Variants in NACAD observed in about 807,000 individuals in gnomAD.
The protein encoded by NACAD is NAC alpha domain containing, also known as NAC-alpha domain-containing protein 1.
NACAD carries 47 observed loss-of-function variants against 98.9 expected under a neutral mutation model. That is an observed-to-expected ratio of 0.48 (90% CI 0.38 to 0.61). The LOEUF (loss-of-function observed/expected upper bound fraction) is 0.61. Ranked by LOEUF, NACAD falls within the 20% of genes least tolerant of loss-of-function variation. The probability of loss-of-function intolerance (pLI) is 0.00; values close to 1 mark genes in which losing one functional copy is unlikely to be tolerated. For synonymous variants in NACAD, 696 were observed against 767.2 expected (o/e 0.91, Z 1.53); for missense variants, 1,412 against 1,748.2 (o/e 0.81, Z 3.43).
In NACAD at chr7:45,082,218, T is replaced by G. The variant is rs148081901; in HGVS notation, c.3962A>C (p.Gln1321Pro). ...ASMDAKDLALQILPPCQVPPP... is the reference protein window; with the variant it reads ...ASMDAKDLALPILPPCQVPPP... ...AGGCACTTGGCAAGGCGGCAAGATCTGCAAGGCCAGGTCTTTGGCATCCAT... is the reference window on the plus strand; with the variant it reads ...AGGCACTTGGCAAGGCGGCAAGATCGGCAAGGCCAGGTCTTTGGCATCCAT... The change falls in exon 2 of 8, where the codon CAG becomes CCG. Residue 1321 changes from glutamine to proline, a missense_variant. By Grantham distance (76) the Gln-to-Pro change is moderately conservative. Coordinates refer to ENST00000490531, the MANE Select transcript of NACAD (RefSeq NM_001146334.2). The surrounding 1 kb of genome is among the most constrained non-coding windows in gnomAD (Gnocchi z 4.5). 49 of 1,542,058 alleles carry G rather than the reference T, an allele frequency of 3.2e-5. No homozygotes were observed. Among genetic ancestry groups the G allele is most frequent in the Non-Finnish European group, 4.0e-5 (46 of 1,141,604 alleles).
Position 45,082,762 on chromosome 7 carries a change from G to A in NACAD, c.3418C>T (p.Pro1140Ser). The A allele has an allele frequency of 1.3e-6, 2 of 1,548,510 alleles. No individual in the cohort carries two copies. The highest frequency in any genetic ancestry group is 1.4e-5 in the African/African-American group (1 of 73,136). The change falls in exon 2 of 8, where the codon CCC (proline) becomes TCC (serine). Residue 1140 changes from proline to serine, a missense_variant. By Grantham distance (74) the Pro-to-Ser change is moderately conservative. Coordinates refer to ENST00000490531, the MANE Select transcript of NACAD (RefSeq NM_001146334.2). The surrounding 1 kb of genome is among the most constrained non-coding windows in gnomAD (Gnocchi z 4.5). ...SGKSTPEPTL[P>S]SAVATEASLD... The stretch of plus-strand genomic sequence containing the variant: ...CTGGCCTCTGTGGCCACAGCTGAGG[G>A]AAGCGTGGGCTCCGGGGTGGACTTG...
intron 2 of NACAD, 114 bp from the exon 3 acceptor site, chr7:45,081,981 C>G: frequency 1.4e-6 from 2 of 1,440,284 alleles, no homozygotes; most frequent in Non-Finnish European, 1.9e-6. Flanking sequence ...TGCCAGCTCT[C>G]CATGGTGGCT....
In NACAD at chr7:45,082,610, A is replaced by C. The variant is rs1404975895; in HGVS notation, c.3570T>G (p.Ser1190Arg). The part of the protein sequence containing the change: ...QQPEPVLGLG[S>R]VEQPHEVPSV... ...TGGGTACTTCGTGGGGTTGCTCAAC[A>C]CTGCCCAGACCCAGTACAGGCTCCG... The change falls in exon 2 of 8, where the codon AGT becomes AGG. Residue 1190 changes from serine (S) to arginine (R), a missense_variant. Physicochemically the swap from Ser to Arg is moderately radical, Grantham distance 110. Around this residue, in one of 5 missense-constraint regions of NACAD, gnomAD observed 572 missense variants for 639.6 expected, o/e 0.89. Coordinates refer to ENST00000490531, the MANE Select transcript of NACAD (RefSeq NM_001146334.2). The surrounding 1 kb of genome is among the most constrained non-coding windows in gnomAD (Gnocchi z 4.5). 18 of 1,533,414 alleles carry C rather than the reference A, an allele frequency of 1.2e-5. No individual in the cohort carries two copies. The highest frequency in any genetic ancestry group is 2.5e-5 in the South Asian group (2 of 81,274). 95.0% of individuals were successfully genotyped at this position (1,533,414 alleles called of 1,614,324 possible).
In NACAD at chr7:45,088,819, C is replaced by A. The variant is rs758828479; in HGVS notation, c.67+9G>T. The stretch of plus-strand genomic sequence containing the variant: ...GCTGAAGGCAGGGAAAGAGTGGCCA[C>A]GGCCTCACCTGTGCGGGGCCCGGGT... On this transcript the variant is annotated intron_variant, in intron 1 of 7. Transcript: ENST00000490531. The surrounding 1 kb of genome is among the most constrained non-coding windows in gnomAD (Gnocchi z 5.7). The A allele has an allele frequency of 3.4e-6, 5 of 1,486,586 alleles. No individual in the cohort carries two copies. The African/African-American group carries it at 4.3e-5, about 13-fold the overall frequency. The allele number at this position is 1,486,586 out of a possible 1,614,324, so 92.1% of individuals were successfully genotyped here. A position where few individuals can be genotyped will look rare whatever the true frequency, so the allele number is the denominator to read the frequency against.
chr7:45,085,110 G>A lies in NACAD; in HGVS notation c.1070C>T (p.Thr357Met), dbSNP rs1186586335. The change falls in exon 2 of 8, where the codon ACG (threonine) becomes ATG (methionine). Residue 357 changes from threonine to methionine, a missense_variant. By Grantham distance (81) the Thr-to-Met change is moderately conservative (BLOSUM62 -1). This residue lies in a region of NACAD where 638 missense variants were observed against 722.7 expected (regional missense o/e 0.88). Transcript: ENST00000490531. The surrounding 1 kb of genome is among the most constrained non-coding windows in gnomAD (Gnocchi z 6.1). ...DLAGEGEEDS[T>M]SASFLQSLSD... is the part of the protein sequence containing the mutation. ...CAGTGACTGCAGGAAGGAGGCAGAC[G>A]TGCTGTCCTCCTCACCCTCCCCAGC... 3.2e-6 allele frequency: 5 copies of A among 1,551,072 alleles called. No homozygotes were observed. In the South Asian group the frequency reaches 3.6e-5, roughly 11 times the overall value.
chr7:45,081,069 G>A, intron 5 of NACAD, 47 bp from the exon 6 acceptor site: 1 of 1,550,646 alleles, frequency 6.4e-7, no homozygotes, highest in African/African-American at 1.4e-5. Context: ...TCCCCCCCTT[G>A]TCCCCTATCC....
Position 45,088,852 on chromosome 7 carries a change from CCTCGGGCAGCAGCAG to C in NACAD, c.28_42del (p.Leu10_Glu14del). On this transcript the variant is annotated inframe_deletion, in exon 1 of 8. Coordinates refer to ENST00000490531, the MANE Select transcript of NACAD (RefSeq NM_001146334.2). This position sits in a 1 kb window ranked among gnomAD's most constrained non-coding sequence, Gnocchi z 5.7. ...CCTGTGCGGGGCCCGGGTCGGTCCG[CCTCGGGCAGCAGCAG>C]CTCGGCGCGGGCAGCCTCCCCAGGC... is the stretch of plus-strand genomic sequence containing the variant. 1 of 1,491,184 alleles carries C rather than the reference CCTCGGGCAGCAGCAG, an allele frequency of 6.7e-7. No individual in the cohort carries two copies. The highest frequency in any genetic ancestry group is 8.9e-7 in the Non-Finnish European group (1 of 1,125,620). The allele number at this position is 1,491,184 out of a possible 1,614,324, so 92.4% of individuals were successfully genotyped here.
At chr7:45,087,067 TAACACAC>T (rs1784532396) in intron 1 of NACAD, among the ~76,000 whole-genome samples, 1 of 152,160 alleles carries the variant, frequency 6.6e-6, no homozygotes, top group Non-Finnish European at 1.5e-5. Context: ...GTCTGTGAGC[TAACACAC>T]CTCCAGCTGA....
In NACAD at chr7:45,083,388, G is replaced by C. The variant is rs751829108; in HGVS notation, c.2792C>G (p.Thr931Arg). The change falls in exon 2 of 8, where the codon ACA (threonine) becomes AGA (arginine). Residue 931 changes from threonine to arginine, a missense_variant. Thr to Arg is a moderately conservative substitution (Grantham distance 71). This residue lies in a region of NACAD where 572 missense variants were observed against 639.6 expected (regional missense o/e 0.89). Coordinates refer to ENST00000490531, the MANE Select transcript of NACAD (RefSeq NM_001146334.2). The part of the protein sequence containing the change: ...AMTAPLPLQD[T>R]GPTSGPEPLA... ...AGGCTCTGGACCTGAGGTGGGGCCT[G>C]TGTCTTGCAGAGGCAGAGGTGCTGT... 1.8e-5 allele frequency: 28 copies of C among 1,551,218 alleles called. No individual in the cohort carries two copies. Among genetic ancestry groups the C allele is most frequent in the Non-Finnish European group, 2.3e-5 (26 of 1,147,032 alleles).
At chr7:45,081,404 A>ACCTT in intron 4 of NACAD, 141 bp from the exon 5 acceptor site, 1 of 1,314,008 alleles carries the variant, frequency 7.6e-7, no homozygotes, top group South Asian at 1.5e-5. Flanking sequence ...CTTCCCCATG[A>ACCTT]GCCTCAGTCT....
At position 45,085,363 on chromosome 7, in the gene NACAD, G is replaced by T. The variant is rs1265305512; in HGVS notation, c.817C>A (p.Pro273Thr). The change falls in exon 2 of 8, where the codon CCC becomes ACC. Residue 273 changes from proline (P) to threonine (T), a missense_variant. Transcript: ENST00000490531. The surrounding 1 kb of genome is among the most constrained non-coding windows in gnomAD (Gnocchi z 6.1). ...GAGAGGCTGGACTCAGAGGACGGGG[G>T]CTCTGGGGTCCCTGCTGGGTGCAGC... ...RELHPAGTPE[P>T]PSSESSLSAD... The T allele has an allele frequency of 6.5e-7, 1 of 1,549,902 alleles. No individual in the cohort carries two copies. Among genetic ancestry groups the T allele is most frequent in the African/African-American group, 1.4e-5 (1 of 73,048 alleles).
At chr7:45,081,716 G>A in intron 3 of NACAD, 39 bp downstream of exon 3, 2 of 1,551,042 alleles carry the variant, frequency 1.3e-6, no homozygotes, top group Non-Finnish European at 1.7e-6. Context: ...GGGGTGTGGG[G>A]CCCTCCCAGA....
rs1784465474 is a variant in NACAD, at chr7:45,083,449, C to T, written c.2731G>A (p.Glu911Lys). Reference sequence around the variant, plus strand: ...TCCTGGGGTAAGGTGAGGCCCTCTTCAGCCTGCTGGGACACAGGCGTGGCT... The same window carrying T: ...TCCTGGGGTAAGGTGAGGCCCTCTTTAGCCTGCTGGGACACAGGCGTGGCT... ...AAATPVSQQA[E>K]EGLTLPQDSA... is the part of the protein sequence containing the mutation. The change falls in exon 2 of 8, where the codon GAA becomes AAA. Residue 911 changes from glutamate to lysine, a missense_variant. This residue lies in a region of NACAD where 72 missense variants were observed against 198.0 expected (regional missense o/e 0.36). Transcript: ENST00000490531. The T allele has an allele frequency of 9.7e-6, 15 of 1,547,112 alleles. No individual in the cohort carries two copies. The highest frequency in any genetic ancestry group is 1.1e-5 in the Non-Finnish European group (13 of 1,146,276).
In NACAD at chr7:45,084,287, T is replaced by C. The variant is rs982985539; in HGVS notation, c.1893A>G (p.Glu631=). ...AAATIVSQQA[E]EGLTLPQDSV... ...AGTCCTGGGGTAAGGTGAGGCCCTC[T>C]TCAGCCTGCTGGGACACAATCGTGG... Residue 631 remains glutamate (E), a synonymous_variant, in exon 2 of 8, where the codon GAA becomes GAG. Coordinates refer to ENST00000490531, the MANE Select transcript of NACAD (RefSeq NM_001146334.2). 31 of 1,377,864 alleles carry C rather than the reference T, an allele frequency of 2.2e-5. 1 individual carries two copies. Among genetic ancestry groups the C allele is most frequent in the Non-Finnish European group, 2.9e-5 (31 of 1,051,572 alleles). 85.4% of individuals were successfully genotyped at this position (1,377,864 alleles called of 1,614,324 possible).
Position 45,084,864 on chromosome 7 carries a change from C to G in NACAD, c.1316G>C (p.Gly439Ala). 6.4e-7 allele frequency: 1 copy of G among 1,550,988 alleles called. No homozygotes were observed. The highest frequency in any genetic ancestry group is 2.4e-5 in the East Asian group (1 of 40,904). The stretch of plus-strand genomic sequence containing the variant: ...AGCCTCCACGGCCCAGGACACAGTC[C>G]CATCCTGAGCCTGCAGCCCCTTGGC... ...GGAKGLQAQDGTVSWAVEAAP... is the reference protein window; with the variant it reads ...GGAKGLQAQDATVSWAVEAAP... Residue 439 changes from glycine (G) to alanine (A), a missense_variant, in exon 2 of 8, where the codon GGG becomes GCG. Around this residue, in one of 5 missense-constraint regions of NACAD, gnomAD observed 638 missense variants for 722.7 expected, o/e 0.88. Coordinates refer to ENST00000490531, the MANE Select transcript of NACAD (RefSeq NM_001146334.2).
chr7:45,083,170 G>A lies in NACAD; in HGVS notation c.3010C>T (p.Gln1004Ter). 6.4e-7 allele frequency: 1 copy of A among 1,550,900 alleles called. No homozygotes were observed. Among genetic ancestry groups the A allele is most frequent in the Non-Finnish European group, 8.7e-7 (1 of 1,146,998 alleles). The change falls in exon 2 of 8, where the codon CAG (glutamine) becomes TAG (stop). Residue 1004 changes from glutamine (Q) to a stop codon, truncating the protein, a stop_gained. Transcript: ENST00000490531. LOFTEE classifies it high-confidence loss of function. The stretch of plus-strand genomic sequence containing the variant: ...GGTGTCCCAGCTTCTGCAGCTGGCT[G>A]TGGGTCATCCTGTTGGACCTGGTCC... ...ALDQVQQDDP[Q>*]PAAEAGTPWA...
In NACAD at chr7:45,082,519, C is replaced by A; in HGVS notation, c.3661G>T (p.Val1221Leu). Residue 1221 changes from valine to leucine, a missense_variant, in exon 2 of 8, where the codon GTG (valine) becomes TTG (leucine). Physicochemically the swap from Val to Leu is conservative, Grantham distance 32 (BLOSUM62 1). This residue lies in a region of NACAD where 572 missense variants were observed against 639.6 expected (regional missense o/e 0.89). Transcript: ENST00000490531. This position sits in a 1 kb window ranked among gnomAD's most constrained non-coding sequence, Gnocchi z 4.5. ...GGGTCAGGGCCCAGGGGCCTGTCCA[C>A]GGGCGTGCTGGGCTGACCCTTGGCA... Reference protein sequence around the residue: ...NLAKGQPSTPVDRPLGPDPSA... With the variant: ...NLAKGQPSTPLDRPLGPDPSA... 6.5e-7 allele frequency: 1 copy of A among 1,549,550 alleles called. No individual in the cohort carries two copies. The highest frequency in any genetic ancestry group is 8.7e-7 in the Non-Finnish European group (1 of 1,146,780).
chr7:45,081,281 A>AG lies in NACAD; in HGVS notation c.4258-19dup, dbSNP rs553841685. The AG allele has an allele frequency of 5.4e-5, 84 of 1,550,080 alleles. No individual in the cohort carries two copies. The South Asian group carries it at 7.5e-4, about 14-fold the overall frequency. On this transcript the variant is annotated intron_variant, in intron 4 of 7. Transcript: ENST00000490531. ...GACATTGCCTGGGAGTAGAGGGCAG[A>AG]GGGGGGCTCAGACCTGGTGTTGACC...
rs1196424560 is a variant in NACAD at position 45,084,136 on chromosome 7, T to C, written c.2044A>G (p.Met682Val). Residue 682 changes from methionine to valine, a missense_variant, in exon 2 of 8, where the codon ATG (methionine) becomes GTG (valine). Coordinates refer to ENST00000490531, the MANE Select transcript of NACAD (RefSeq NM_001146334.2). ...TCTTGTAGGGGCAGAGGCGGTGTCA[T>C]AGCGGAGTCCTGGGGTAAGGTGAGG... is the stretch of plus-strand genomic sequence containing the variant. ...EGLTLPQDSA[M>V]TPPLPLQDTD... The C allele has an allele frequency of 1.0e-5, 3 of 294,574 alleles. No individual in the cohort carries two copies. The highest frequency in any genetic ancestry group is 8.7e-5 in the East Asian group (2 of 22,976). 18.2% of individuals were successfully genotyped at this position (294,574 alleles called of 1,614,324 possible).
Sources: allele counts gnomAD v4.1 joint callset (sites outside exome capture counted in the v4.1 genomes callset), GRCh38; gene constraint gnomAD v4.1.1; regional missense constraint gnomAD v4.1.1; non-coding constraint Gnocchi (gnomAD v3.1); transcripts MANE v1.5; gene names NCBI Gene and HGNC (gene_info 2026-07-23, HGNC 2026-07-21).